Variants in MARCHF1 observed in about 807,000 individuals in gnomAD.
MARCHF1 encodes the protein membrane associated ring-CH-type finger 1, also known as E3 ubiquitin-protein ligase MARCHF1.
In MARCHF1, 40 loss-of-function variants were observed where a neutral mutation model predicts 54.2. The observed-to-expected ratio is 0.74, with a 90% confidence interval of 0.57 to 0.96. The LOEUF is 0.96. Ranked by LOEUF, MARCHF1 falls within the 40% of genes least tolerant of loss-of-function variation. The pLI is 0.00. For synonymous variants in MARCHF1, 236 were observed against 236.3 expected (o/e 1.00, Z 0.01); for missense variants, 586 against 656.5 (o/e 0.89, Z 1.17).
Position 163,612,454 on chromosome 4 carries a change from A to T in MARCHF1, c.827T>A (p.Leu276Ter), listed in dbSNP as rs1182989889. ...TATTTCATTTTTCCTAAGACTTTGCAAGAGCTGAGGATCTCTGTGGTGATA... is the reference window on the plus strand; with the variant it reads ...TATTTCATTTTTCCTAAGACTTTGCTAGAGCTGAGGATCTCTGTGGTGATA... ...GRYHHRDPQL[L>*]QSLRKNEIMK... The change falls in exon 7 of 10, where the codon TTG becomes TAG. Residue 276 changes from leucine (L) to a stop codon, truncating the protein, a stop_gained. Coordinates refer to ENST00000514618, the MANE Select transcript of MARCHF1 (RefSeq NM_001394959.1). LOFTEE classifies it high-confidence loss of function. 2 of 1,535,186 alleles carry T rather than the reference A, an allele frequency of 1.3e-6. No individual in the cohort carries two copies. The highest frequency in any genetic ancestry group is 3.9e-5 in the Admixed American group (2 of 50,920).
At chr4:163,656,782 TAAAC>T (rs1743160587) in intron 5 of MARCHF1, among the ~76,000 whole-genome samples, 1 of 152,002 alleles carries the variant, frequency 6.6e-6, no homozygotes, top group African/African-American at 2.4e-5. Flanking sequence ...ATTCATCACA[TAAAC>T]AGAACTAAAA....
At chr4:163,939,459 T>C (rs1187793682) in intron 3 of MARCHF1, among the ~76,000 whole-genome samples, 1 of 152,180 alleles carries the variant, frequency 6.6e-6, no homozygotes, top group African/African-American at 2.4e-5. Context: ...TTTCTTGTTA[T>C]CTTGTTATTC....
chr4:163,929,019 T>C (rs752173993), intron 3 of MARCHF1, among the ~76,000 whole-genome samples: 10 of 151,958 alleles, frequency 6.6e-5, no homozygotes, highest in Non-Finnish European at 7.4e-5. Context: ...AACATATTGT[T>C]TATACCAAAA....
chr4:163,878,039 T>C (rs1750331528), intron 3 of MARCHF1, among the ~76,000 whole-genome samples: 1 of 152,218 alleles, frequency 6.6e-6, no homozygotes. Flanking sequence ...TTTTCTTTCC[T>C]ATGTTTCTCA....
At chr4:164,350,404 G>A (rs550622460) in intron 1 of MARCHF1, among the ~76,000 whole-genome samples, 1 of 152,238 alleles carries the variant, frequency 6.6e-6, no homozygotes, top group African/African-American at 2.4e-5. Flanking sequence ...GAAAATCACA[G>A]CTAGATAAGA....
intron 3 of MARCHF1, among the ~76,000 whole-genome samples, chr4:163,988,195 G>A (rs140793389): frequency 1.3e-5 from 2 of 152,112 alleles, no homozygotes; most frequent in Non-Finnish European, 2.9e-5. Context: ...CAAAACAGCC[G>A]GTTGTAACCC....
At chr4:164,349,956 T>C (rs1730231473) in intron 1 of MARCHF1, among the ~76,000 whole-genome samples, 2 of 152,204 alleles carry the variant, frequency 1.3e-5, no homozygotes, top group African/African-American at 4.8e-5. Flanking sequence ...CTCTATCACT[T>C]ATGATTGTAT....
intron 4 of MARCHF1, among the ~76,000 whole-genome samples, chr4:163,774,147 G>T (rs1747238639): frequency 6.6e-6 from 1 of 152,040 alleles, no homozygotes; most frequent in Admixed American, 6.6e-5. Flanking sequence ...TATAACCTGT[G>T]CATATCCTCT....
At chr4:164,076,067 G>A (rs991971065) in intron 2 of MARCHF1, among the ~76,000 whole-genome samples, 1 of 151,842 alleles carries the variant, frequency 6.6e-6, no homozygotes, top group South Asian at 2.1e-4. Flanking sequence ...AGAAGTGCTT[G>A]GTCAAATTTC....
At chr4:163,931,197 C>T (rs749014140) in intron 3 of MARCHF1, among the ~76,000 whole-genome samples, 1 of 152,140 alleles carries the variant, frequency 6.6e-6, no homozygotes, top group Non-Finnish European at 1.5e-5. Flanking sequence ...GACTTCTAGC[C>T]TCCAGAACTG....
intron 2 of MARCHF1, among the ~76,000 whole-genome samples, chr4:164,002,526 CA>C (rs199677374): frequency 8.1e-5 from 12 of 148,186 alleles, no homozygotes; most frequent in Middle Eastern, 3.4e-3. Flanking sequence ...ACCATAGCGC[CA>C]AAAAAAAACT....
At chr4:164,248,805 C>T (rs1733035906) in intron 1 of MARCHF1, among the ~76,000 whole-genome samples, 1 of 151,858 alleles carries the variant, frequency 6.6e-6, no homozygotes, top group East Asian at 1.9e-4. Context: ...ACATGTATTT[C>T]TTCCTATAAT....
chr4:163,645,155 C>T (rs1742706331), intron 5 of MARCHF1, among the ~76,000 whole-genome samples: 2 of 152,138 alleles, frequency 1.3e-5, no homozygotes, highest in African/African-American at 4.8e-5. Flanking sequence ...GACCCTCATC[C>T]CAGTACCAGC....
intron 3 of MARCHF1, among the ~76,000 whole-genome samples, chr4:163,958,876 C>T (rs1752284185): frequency 6.6e-6 from 1 of 151,886 alleles, no homozygotes; most frequent in Non-Finnish European, 1.5e-5. Context: ...CTGGGGCTTC[C>T]GAATCCAGGC....
intron 4 of MARCHF1, among the ~76,000 whole-genome samples, chr4:163,728,431 T>C (rs910430862): frequency 2.6e-5 from 4 of 152,250 alleles, no homozygotes; most frequent in African/African-American, 7.2e-5. Flanking sequence ...TTTCTCATAA[T>C]GAACATGGAA....
intron 4 of MARCHF1, among the ~76,000 whole-genome samples, chr4:163,818,051 T>C (rs1206849508): frequency 1.3e-5 from 2 of 151,102 alleles, no homozygotes; most frequent in Non-Finnish European, 3.0e-5. Context: ...GCATGGCACA[T>C]GTATACATAT....
intron 4 of MARCHF1, among the ~76,000 whole-genome samples, chr4:163,703,168 T>C (rs896762882): frequency 6.6e-6 from 1 of 152,148 alleles, no homozygotes; most frequent in African/African-American, 2.4e-5. Flanking sequence ...TTCACAGGTA[T>C]AAGAAACACT....
chr4:164,006,082 AC>A (rs1324959600), intron 2 of MARCHF1, among the ~76,000 whole-genome samples: 15 of 152,300 alleles, frequency 9.8e-5, no homozygotes, highest in Admixed American at 6.5e-5. Flanking sequence ...AAACAAAAAA[AC>A]AACACAGAAC....
At chr4:164,199,777 T>C (rs1451206407) in intron 1 of MARCHF1, among the ~76,000 whole-genome samples, 1 of 150,184 alleles carries the variant, frequency 6.7e-6, no homozygotes, top group Non-Finnish European at 1.5e-5. Flanking sequence ...GATATGACAA[T>C]TTTATTTCCC....
Sources: gnomAD v4.1 joint callset for allele counts (sites outside exome capture counted in the v4.1 genomes callset) on GRCh38, gnomAD v4.1.1 for gene constraint, MANE v1.5 for transcripts, NCBI Gene and HGNC (gene_info 2026-07-23, HGNC 2026-07-21) for gene names.